The following ESM1 variants were observed in gnomAD, a reference collection of about 807,000 sequenced individuals.
ESM1 encodes the protein endothelial cell-specific molecule 1.
In ESM1, 7 loss-of-function variants were observed where a neutral mutation model predicts 14.9. The observed-to-expected ratio is 0.47, with a 90% CI of 0.27 to 0.88. The LOEUF is 0.88. Ranked by LOEUF, ESM1 falls within the 40% of genes least tolerant of loss-of-function variation. The pLI is 0.14. For missense variants in ESM1, 192 were observed against 237.9 expected (o/e 0.81, Z 1.27); for synonymous variants, 89 against 89.4 (o/e 1.00, Z 0.02).
In ESM1 at chr5:54,985,225, A is replaced by G. The variant is rs751889064; in HGVS notation, c.293T>C (p.Ile98Thr). The G allele has an allele frequency of 6.2e-7, 1 of 1,610,138 alleles. No homozygotes were observed. Among genetic ancestry groups the G allele is most frequent in the Non-Finnish European group, 8.5e-7 (1 of 1,177,210 alleles). Reference sequence around the variant, plus strand: ...AAGGGGTCACTCTTTACCTTTGCAGATACCAAACTCTTCACCAAAAGGATC... The same window carrying G: ...AAGGGGTCACTCTTTACCTTTGCAGGTACCAAACTCTTCACCAAAAGGATC... ...GEDPFGEEFG[I>T]CKDCPYGTFG... The change falls in exon 1 of 3, where the codon ATC becomes ACC. Residue 98 changes from isoleucine to threonine, a missense_variant. Coordinates refer to ENST00000381405, the MANE Select transcript of ESM1 (RefSeq NM_007036.5).
In ESM1 at chr5:54,985,569, G is replaced by A. The variant is rs1442982884; in HGVS notation, c.-52C>T. ...CTCCAGTCGTGGTCTTTGCTGGTGG[G>A]AAGCAGCCGTCCAAACTGGTAGCTG... On this transcript the variant is annotated 5_prime_UTR_variant, in exon 1 of 3. Coordinates refer to ENST00000381405, the MANE Select transcript of ESM1 (RefSeq NM_007036.5). 1.3e-6 allele frequency: 2 copies of A among 1,518,382 alleles called. No individual in the cohort carries two copies. Among genetic ancestry groups the A allele is most frequent in the Non-Finnish European group, 1.8e-6 (2 of 1,122,476 alleles). 94.1% of individuals were successfully genotyped at this position (1,518,382 alleles called of 1,614,324 possible).
At position 54,979,547 on chromosome 5, in the gene ESM1, TAA is replaced by T. The variant is rs530429117; in HGVS notation, c.452-114_452-113del. ...TTTACAATGAAATCTTTAATCAATT[TAA>T]GATTCCATGCTAACTGTATTCACTG... On this transcript the variant is annotated intron_variant, in intron 2 of 2. Transcript: ENST00000381405. The T allele has an allele frequency of 1.9e-3, 1,397 of 720,988 alleles. 3 individuals carry two copies. Among genetic ancestry groups the T allele is most frequent in the South Asian group, 2.7e-3 (161 of 59,064 alleles). 44.7% of individuals were successfully genotyped at this position (720,988 alleles called of 1,614,324 possible).
At chr5:54,984,158 G>A (rs2112252383) in intron 1 of ESM1, among the ~76,000 whole-genome samples, 1 of 151,960 alleles carries the variant, frequency 6.6e-6, no homozygotes, top group East Asian at 1.9e-4. Flanking sequence ...CTAAGAAGTA[G>A]GAGAATTAAT....
chr5:54,979,191 G>T lies in ESM1; in HGVS notation c.*141C>A. The T allele has an allele frequency of 2.2e-5, 14 of 648,334 alleles. No individual in the cohort carries two copies. Among genetic ancestry groups the T allele is most frequent in the African/African-American group, 3.6e-5 (2 of 55,264 alleles). The allele number at this position is 648,334 out of a possible 1,614,324, so 40.2% of individuals were successfully genotyped here. On this transcript the variant is annotated 3_prime_UTR_variant, in exon 3 of 3. Transcript: ENST00000381405. ...ATGGATTGTAAGTATCCTACTTTTT[G>T]TTTTCTGGATCCACCATGCATCACA...
intron 2 of ESM1, among the ~76,000 whole-genome samples, chr5:54,979,790 T>C (rs1342423348): frequency 6.6e-6 from 1 of 152,210 alleles, no homozygotes; most frequent in African/African-American, 2.4e-5. Context: ...TGCCACATAG[T>C]AGGCACTTAA....
At chr5:54,984,569 T>C (rs999758231) in intron 1 of ESM1, among the ~76,000 whole-genome samples, 1 of 152,224 alleles carries the variant, frequency 6.6e-6, no homozygotes, top group Admixed American at 6.5e-5. Context: ...TATTTTTCTC[T>C]ATTGTTATTT....
intron 2 of ESM1, among the ~76,000 whole-genome samples, chr5:54,980,548 C>G (rs772857488): frequency 6.6e-6 from 1 of 152,148 alleles, no homozygotes; most frequent in African/African-American, 2.4e-5. Context: ...TAAGGTTTAC[C>G]AAGATCACAC....
At chr5:54,980,841 T>C (rs1038878828) in intron 2 of ESM1, among the ~76,000 whole-genome samples, 1 of 152,188 alleles carries the variant, frequency 6.6e-6, no homozygotes, top group Admixed American at 6.5e-5. Context: ...AACAAGCACC[T>C]TTGCCAAATA....
chr5:54,980,897 C>T (rs1337978897), intron 2 of ESM1, among the ~76,000 whole-genome samples: 1 of 152,092 alleles, frequency 6.6e-6, no homozygotes, highest in Non-Finnish European at 1.5e-5. Flanking sequence ...AAAGCAAAAA[C>T]TAAATAAAAT....
chr5:54,979,940 C>T (rs1174116246), intron 2 of ESM1, among the ~76,000 whole-genome samples: 1 of 152,224 alleles, frequency 6.6e-6, no homozygotes, highest in African/African-American at 2.4e-5. Context: ...TTCATAAAGA[C>T]ACTTCTCACT....
In ESM1 at chr5:54,982,005, G is replaced by A; in HGVS notation, c.443C>T (p.Ser148Phe). The A allele has an allele frequency of 6.2e-7, 1 of 1,614,086 alleles. No individual in the cohort carries two copies. Among genetic ancestry groups the A allele is most frequent in the Admixed American group, 1.7e-5 (1 of 60,030 alleles). Residue 148 changes from serine to phenylalanine, a missense_variant, in exon 2 of 3, where the codon TCT becomes TTT. Physicochemically the swap from Ser to Phe is radical, Grantham distance 155. Transcript: ENST00000381405. ...CCAGAATCAGTGCTTACCCGTGAGA[G>A]AAACAAATCTGTTGGAAGACTTGGT... ...SVTKSSNRFV[S>F]LTEHDMASGD...
intron 1 of ESM1, among the ~76,000 whole-genome samples, chr5:54,984,096 T>C (rs888151531): frequency 5.9e-5 from 9 of 152,182 alleles, no homozygotes; most frequent in Non-Finnish European, 1.3e-4. Context: ...TTTGTTTTTT[T>C]AATTTTGTAT....
In ESM1 at chr5:54,978,298, G is replaced by C. The variant is rs1011907871; in HGVS notation, c.*1034C>G. ...AGTCACAGCACTTATGTTTAAATAA[G>C]GACCCTCTGTTGCTCATTTTTTGAC... On this transcript the variant is annotated 3_prime_UTR_variant, in exon 3 of 3. Transcript: ENST00000381405. 2.0e-5 allele frequency: 3 copies of C among 152,004 alleles called. No individual in the cohort carries two copies. Among genetic ancestry groups the C allele is most frequent in the Middle Eastern group, 3.4e-3 (1 of 294 alleles). The allele number at this position is 152,004 out of a possible 1,614,324, so 9.4% of individuals were successfully genotyped here. A position where few individuals can be genotyped will look rare whatever the true frequency, so the allele number is the denominator to read the frequency against.
At chr5:54,983,000 C>G (rs1312773058) in intron 1 of ESM1, among the ~76,000 whole-genome samples, 1 of 152,060 alleles carries the variant, frequency 6.6e-6, no homozygotes, top group Non-Finnish European at 1.5e-5. Flanking sequence ...GTAGACTAAC[C>G]AACCTTTAAA....
chr5:54,982,737 C>T (rs1740413133), intron 1 of ESM1, among the ~76,000 whole-genome samples: 2 of 152,144 alleles, frequency 1.3e-5, no homozygotes, highest in South Asian at 2.1e-4. Flanking sequence ...ACTTGCCTGA[C>T]TCCCTCAGTA....
chr5:54,981,529 T>C (rs2112248857), intron 2 of ESM1, among the ~76,000 whole-genome samples: 1 of 152,318 alleles, frequency 6.6e-6, no homozygotes, highest in East Asian at 1.9e-4. Flanking sequence ...TTAAATGCTT[T>C]CATTTGGTTA....
chr5:54,984,499 A>T (rs897530434), intron 1 of ESM1, among the ~76,000 whole-genome samples: 1 of 152,206 alleles, frequency 6.6e-6, no homozygotes, highest in African/African-American at 2.4e-5. Context: ...ATTTCAACCG[A>T]CGAAGTTTTT....
Position 54,985,528 on chromosome 5 carries a change from T to G in ESM1, c.-11A>C. 1 of 1,580,180 alleles carries G rather than the reference T, an allele frequency of 6.3e-7. No individual in the cohort carries two copies. The highest frequency in any genetic ancestry group is 1.2e-5 in the South Asian group (1 of 86,816). On this transcript the variant is annotated 5_prime_UTR_variant, in exon 1 of 3. Transcript: ENST00000381405. ...CAAGACGCTCTTCATGTTTCCCAGC[T>G]GCCTCCGGCTCGGCTCTCCAGTCGT...
At chr5:54,980,326 T>A (rs905955718) in intron 2 of ESM1, among the ~76,000 whole-genome samples, 24 of 152,218 alleles carry the variant, frequency 1.6e-4, no homozygotes, top group Non-Finnish European at 1.5e-5. Flanking sequence ...TGCAGCCATT[T>A]AGCCTGCTCT....
Sources: gnomAD v4.1 joint callset for allele counts (sites outside exome capture counted in the v4.1 genomes callset) on GRCh38, gnomAD v4.1.1 for gene constraint, MANE v1.5 for transcripts, NCBI Gene and HGNC (gene_info 2026-07-23, HGNC 2026-07-21) for gene names.